The following DOCK1 variants were observed in gnomAD, a reference collection of about 807,000 sequenced individuals.
DOCK1 encodes dedicator of cytokinesis 1.
A neutral mutation model predicts 262.7 loss-of-function variants in DOCK1; 138 were observed. That is an observed-to-expected ratio of 0.53 (90% CI 0.46 to 0.61). DOCK1 has a LOEUF of 0.61. DOCK1 is among the 20% of genes least tolerant of loss of function. The pLI, the probability that DOCK1 is intolerant of heterozygous loss-of-function variation, is 0.00. For synonymous variants in DOCK1, 866 were observed against 867.4 expected (o/e 1.00, Z 0.03); for missense variants, 1,908 against 2,370.7 (o/e 0.80, Z 4.05).
At chr10:127,058,278 T>A (rs2045299864) in intron 22 of DOCK1, among the ~76,000 whole-genome samples, 1 of 152,100 alleles carries the variant, frequency 6.6e-6, no homozygotes, top group South Asian at 2.1e-4. Flanking sequence ...TACAGATTTA[T>A]AATCATGATA....
rs1477525377 is a variant in DOCK1, at chr10:127,437,641, G to A, written c.5061-1386G>A. ...CTATAGGTGCACACCACCATGCCCA[G>A]CTAATTTTTGTACGTTTTATCGAGA... On this transcript the variant is annotated intron_variant, in intron 48 of 51. Transcript: ENST00000623213. The surrounding 1 kb of genome is among the most constrained non-coding windows in gnomAD (Gnocchi z 4.4). Among the ~76,000 whole-genome samples, 1 of 152,134 alleles carries A rather than the reference G, an allele frequency of 6.6e-6. No individual in the cohort carries two copies. The highest frequency in any genetic ancestry group is 6.5e-5 in the Admixed American group (1 of 15,272).
At chr10:127,109,097 G>A (rs1432096531) in intron 24 of DOCK1, among the ~76,000 whole-genome samples, 2 of 152,102 alleles carry the variant, frequency 1.3e-5, no homozygotes, top group Non-Finnish European at 2.9e-5. Flanking sequence ...AAGAGAAATG[G>A]CATTACTTGG....
intron 27 of DOCK1, among the ~76,000 whole-genome samples, chr10:127,194,218 G>A (rs574275641): frequency 6.6e-6 from 1 of 152,316 alleles, no homozygotes; most frequent in South Asian, 2.1e-4. Flanking sequence ...CATGCAATTA[G>A]TGATAGCTGT....
intron 38 of DOCK1, among the ~76,000 whole-genome samples, chr10:127,402,402 AAAATTATTCCAC>A (rs1300602427): frequency 1.3e-5 from 2 of 152,090 alleles, no homozygotes; most frequent in Non-Finnish European, 2.9e-5. Context: ...TATCTATCAA[AAAATTATTCCAC>A]ATGTGTCAAA....
chr10:127,396,967 G>C (rs185277045), intron 38 of DOCK1, among the ~76,000 whole-genome samples: 1 of 115,466 alleles, frequency 8.7e-6, no homozygotes, highest in African/African-American at 3.1e-5. Flanking sequence ...CACGGGCAGC[G>C]TCTCCTGTGA....
chr10:127,388,000 G>A (rs1480362046), intron 38 of DOCK1, among the ~76,000 whole-genome samples: 3 of 152,146 alleles, frequency 2.0e-5, no homozygotes, highest in Non-Finnish European at 4.4e-5. Flanking sequence ...GGCATTGTGG[G>A]TTCTCCTGAC....
intron 23 of DOCK1, among the ~76,000 whole-genome samples, chr10:127,088,096 A>T (rs578042572): frequency 1.3e-5 from 2 of 152,310 alleles, no homozygotes; most frequent in Non-Finnish European, 2.9e-5. Flanking sequence ...GGCAATTATA[A>T]ATGTAATTTT....
intron 29 of DOCK1, among the ~76,000 whole-genome samples, chr10:127,290,856 G>C (rs2061325251): frequency 6.6e-6 from 1 of 152,148 alleles, no homozygotes; most frequent in South Asian, 2.1e-4. Context: ...CTAGTTTTGG[G>C]TTATTTTGCA....
intron 12 of DOCK1, among the ~76,000 whole-genome samples, chr10:127,016,816 C>T (rs1345300778): frequency 2.0e-5 from 3 of 146,664 alleles, no homozygotes; most frequent in Non-Finnish European, 4.5e-5. Context: ...ACCACAAACA[C>T]ACACACAGAT....
chr10:126,981,783 T>C (rs2038997113), intron 3 of DOCK1, 135 bp from the exon 4 acceptor site: 3 of 784,612 alleles, frequency 3.8e-6, no homozygotes, highest in South Asian at 3.8e-5. Flanking sequence ...TTGTGTTTTC[T>C]TTGATATGTT....
At chr10:127,306,685 C>A (rs1465316682) in intron 29 of DOCK1, among the ~76,000 whole-genome samples, 7 of 152,140 alleles carry the variant, frequency 4.6e-5, no homozygotes, top group Admixed American at 4.6e-4. Context: ...CAGGGAAATA[C>A]GTTCTGTTTA....
intron 23 of DOCK1, among the ~76,000 whole-genome samples, chr10:127,101,861 C>T (rs976219049): frequency 6.6e-6 from 1 of 152,156 alleles, no homozygotes; most frequent in African/African-American, 2.4e-5. Context: ...CGTTCGCAAG[C>T]GAAACGAGAG....
rs540418395 is a variant in DOCK1, at chr10:127,365,148, A to G, written c.3432+2936A>G. Among the ~76,000 whole-genome samples, 11 of 152,322 alleles carry G rather than the reference A, an allele frequency of 7.2e-5. No individual in the cohort carries two copies. The South Asian group carries it at 2.1e-3, about 29-fold the overall frequency. On this transcript the variant is annotated intron_variant, in intron 33 of 51. Transcript: ENST00000623213. ...TAATGATGGCATAAAATTAACTATC[A>G]CTTTCTTATCCATCGCCTATAAATG...
chr10:126,927,953 A>G (rs1339128856), intron 1 of DOCK1, among the ~76,000 whole-genome samples: 2 of 152,116 alleles, frequency 1.3e-5, no homozygotes, highest in Non-Finnish European at 2.9e-5. Context: ...CCTGCCGTGC[A>G]GGTGAGGGGC....
intron 29 of DOCK1, among the ~76,000 whole-genome samples, chr10:127,320,407 T>C (rs939820786): frequency 6.6e-6 from 1 of 152,132 alleles, no homozygotes; most frequent in Admixed American, 6.5e-5. Context: ...GTAAGTAGAA[T>C]GAGATGCCCA....
chr10:127,281,727 A>ATC (rs2060970088), intron 29 of DOCK1, among the ~76,000 whole-genome samples: 1 of 152,148 alleles, frequency 6.6e-6, no homozygotes, highest in East Asian at 1.9e-4. Flanking sequence ...ATGGACTCTG[A>ATC]TCTCACATCA....
At chr10:127,241,427 C>T (rs765259495) in intron 27 of DOCK1, among the ~76,000 whole-genome samples, 1 of 152,016 alleles carries the variant, frequency 6.6e-6, no homozygotes, top group South Asian at 2.1e-4. Context: ...TTTGGGCCTC[C>T]TTTATTAATG....
At chr10:127,327,732 A>C (rs2062804711) in intron 29 of DOCK1, among the ~76,000 whole-genome samples, 1 of 152,210 alleles carries the variant, frequency 6.6e-6, no homozygotes, top group African/African-American at 2.4e-5. Context: ...ATTATTGAAC[A>C]GCTGGTAGGA....
At chr10:127,336,459 C>G (rs2063195306) in intron 29 of DOCK1, among the ~76,000 whole-genome samples, 1 of 152,178 alleles carries the variant, frequency 6.6e-6, no homozygotes, top group East Asian at 1.9e-4. Flanking sequence ...TACCTCTCAG[C>G]CCTGCACTTT....
Sources: allele counts gnomAD v4.1 joint callset (sites outside exome capture counted in the v4.1 genomes callset), GRCh38; gene constraint gnomAD v4.1.1; non-coding constraint Gnocchi (gnomAD v3.1); transcripts MANE v1.5; gene names NCBI Gene and HGNC (gene_info 2026-07-23, HGNC 2026-07-21).